PCDHGA1: variants seen among roughly 807,000 people sequenced by gnomAD.
PCDHGA1 encodes the protein protocadherin gamma subfamily A, 1.
A neutral mutation model predicts 58.0 loss-of-function variants in PCDHGA1; 32 were observed. That is an observed-to-expected ratio of 0.55 (90% CI 0.42 to 0.74). PCDHGA1 has a LOEUF of 0.74. Among genes scored for constraint, PCDHGA1 ranks in the 30% least tolerant of loss-of-function variants. PCDHGA1 has a pLI of 0.00. For synonymous variants in PCDHGA1, 498 were observed against 501.1 expected (o/e 0.99, Z 0.08); for missense variants, 1,205 against 1,182.3 (o/e 1.02, Z -0.28).
chr5:141,443,820 T>C (rs1329478151), intron 1 of PCDHGA1, among the ~76,000 whole-genome samples: 1 of 151,986 alleles, frequency 6.6e-6, no homozygotes. Flanking sequence ...TTGGAAAACA[T>C]AATTAGGTAA....
rs1025148587 is a variant in PCDHGA1 at position 141,431,434 on chromosome 5, C to A, written c.2422-63373C>A. ...GGGGCGACCCGGTGCGCACAGGCAC[C>A]GCGCGCATCCGCGTGATGGTTCTGG... On this transcript the variant is annotated intron_variant, in intron 1 of 3. Transcript: ENST00000517417. This position sits in a 1 kb window ranked among gnomAD's most constrained non-coding sequence, Gnocchi z 4.8. 1.2e-6 allele frequency: 2 copies of A among 1,613,690 alleles called. No homozygotes were observed. Among genetic ancestry groups the A allele is most frequent in the Admixed American group, 1.7e-5 (1 of 60,014 alleles).
At chr5:141,499,013 GA>G (rs2099788463) in intron 2 of PCDHGA1, among the ~76,000 whole-genome samples, 1 of 144,746 alleles carries the variant, frequency 6.9e-6, no homozygotes, top group Non-Finnish European at 1.5e-5. Context: ...AGGAAGGAAG[GA>G]AGGAAGGAAG....
intron 1 of PCDHGA1, chr5:141,387,676 G>C: frequency 2.7e-6 from 2 of 732,232 alleles, no homozygotes; most frequent in Non-Finnish European, 4.3e-6. Context: ...AGATCTCCTC[G>C]CGCAGCCGCA....
chr5:141,446,634 G>A (rs927873152), intron 1 of PCDHGA1, among the ~76,000 whole-genome samples: 6 of 151,928 alleles, frequency 3.9e-5, no homozygotes, highest in Admixed American at 2.6e-4. Context: ...GCACCACCAC[G>A]CCTGGCTAAT....
At chr5:141,364,343 C>T in intron 1 of PCDHGA1, 1 of 1,541,934 alleles carries the variant, frequency 6.5e-7, no homozygotes, top group Non-Finnish European at 8.7e-7. Context: ...GGCGAGTCCA[C>T]CTAGGGGCTG....
intron 1 of PCDHGA1, chr5:141,357,842 G>A (rs1294763389): frequency 9.6e-6 from 6 of 624,532 alleles, no homozygotes; most frequent in Non-Finnish European, 2.7e-6. Context: ...TTCAGTTGTA[G>A]TTTCAGCCAG....
At chr5:141,401,833 TATA>T (rs947293983) in intron 1 of PCDHGA1, among the ~76,000 whole-genome samples, 12 of 152,238 alleles carry the variant, frequency 7.9e-5, no homozygotes, top group African/African-American at 2.9e-4. Context: ...TGAGATTTCT[TATA>T]ATACCACTTA....
At chr5:141,373,971 C>A in intron 1 of PCDHGA1, 2 of 1,026,814 alleles carry the variant, frequency 1.9e-6, no homozygotes, top group Non-Finnish European at 2.7e-6. Flanking sequence ...AAACGCTTCG[C>A]ATCCGGTCTC....
chr5:141,486,706 C>T lies in PCDHGA1; in HGVS notation c.2422-8101C>T. 1.2e-6 allele frequency: 2 copies of T among 1,614,154 alleles called. No homozygotes were observed. Among genetic ancestry groups the T allele is most frequent in the Admixed American group, 1.7e-5 (1 of 60,020 alleles). On this transcript the variant is annotated intron_variant, in intron 1 of 3. Transcript: ENST00000517417. This position sits in a 1 kb window ranked among gnomAD's most constrained non-coding sequence, Gnocchi z 5.0. ...CAGCTTCCTCTTTCATCTCTCTGAACCCCCAGACAGGAGCTGTTCATGCTA... is the reference window on the plus strand; with the variant it reads ...CAGCTTCCTCTTTCATCTCTCTGAATCCCCAGACAGGAGCTGTTCATGCTA...
At chr5:141,347,801 A>AG (rs1209301870) in intron 1 of PCDHGA1, among the ~76,000 whole-genome samples, 1 of 151,846 alleles carries the variant, frequency 6.6e-6, no homozygotes, top group Non-Finnish European at 1.5e-5. Flanking sequence ...AAAAAAAAAA[A>AG]GTAGAGGCTG....
Position 141,489,934 on chromosome 5 carries a change from G to A in PCDHGA1, c.2422-4873G>A, listed in dbSNP as rs777780708. 1.7e-5 allele frequency: 28 copies of A among 1,614,176 alleles called. No homozygotes were observed. Among genetic ancestry groups the A allele is most frequent in the East Asian group, 6.7e-5 (3 of 44,876 alleles). On this transcript the variant is annotated intron_variant, in intron 1 of 3. Coordinates refer to ENST00000517417, the MANE Select transcript of PCDHGA1 (RefSeq NM_018912.3). This position sits in a 1 kb window ranked among gnomAD's most constrained non-coding sequence, Gnocchi z 4.5. ...AGGGACCACCCTTATCTCTGTCATCGTGCTGGACATCAATGATAATGCTCC... is the reference window on the plus strand; with the variant it reads ...AGGGACCACCCTTATCTCTGTCATCATGCTGGACATCAATGATAATGCTCC...
At chr5:141,409,133 G>A in intron 1 of PCDHGA1, 1 of 1,614,002 alleles carries the variant, frequency 6.2e-7, no homozygotes, top group Non-Finnish European at 8.5e-7. Flanking sequence ...TGATTTTGAA[G>A]ATGTAGAAAG....
intron 1 of PCDHGA1, among the ~76,000 whole-genome samples, chr5:141,435,375 A>G (rs80179854): frequency 0.034 from 5,131 of 152,264 alleles, 102 homozygotes; most frequent in Middle Eastern, 0.088. Flanking sequence ...TTAAATATAC[A>G]ATATACCGTA....
rs577323909 is a variant in PCDHGA1 at position 141,419,160 on chromosome 5, C to G, written c.2422-75647C>G. 13 of 1,613,956 alleles carry G rather than the reference C, an allele frequency of 8.1e-6. 1 individual carries two copies. In the South Asian group the frequency reaches 1.4e-4, roughly 18 times the overall value. On this transcript the variant is annotated intron_variant, in intron 1 of 3. Coordinates refer to ENST00000517417, the MANE Select transcript of PCDHGA1 (RefSeq NM_018912.3). ...GACAGGGGCAAGCCTCCGTTATCCT[C>G]CAGCAAAACCATAACCCTGCACATT...
At chr5:141,385,281 C>T (rs761366864) in intron 1 of PCDHGA1, 6 of 1,613,348 alleles carry the variant, frequency 3.7e-6, no homozygotes, top group East Asian at 2.2e-5. Flanking sequence ...TGCTAACATC[C>T]GTAGATTTTC....
At position 141,491,794 on chromosome 5, in the gene PCDHGA1, TC is replaced by T; in HGVS notation, c.2422-3011del. On this transcript the variant is annotated intron_variant, in intron 1 of 3. Transcript: ENST00000517417. This position sits in a 1 kb window ranked among gnomAD's most constrained non-coding sequence, Gnocchi z 6.9. ...GGGATTGAACTTGCATCCACTCCTC[TC>T]CGGCCGGCTTGGTCGCTGGCTGCGC... is the stretch of plus-strand genomic sequence containing the variant. The T allele has an allele frequency of 6.6e-7, 1 of 1,511,056 alleles. No individual in the cohort carries two copies. The highest frequency in any genetic ancestry group is 8.8e-7 in the Non-Finnish European group (1 of 1,130,146). The allele number at this position is 1,511,056 out of a possible 1,614,324, so 93.6% of individuals were successfully genotyped here.
chr5:141,332,868 G>T lies in PCDHGA1; in HGVS notation c.2184G>T (p.Ser728=). ...RWHKSRLLQA[S]GGGLASMPGS... ...ACAAGTCACGTCTGCTACAGGCTTC[G>T]GGAGGCGGCTTAGCGAGCATGCCCG... The change falls in exon 1 of 4, where the codon TCG becomes TCT. Residue 728 remains serine (S), a synonymous_variant. Transcript: ENST00000517417. This position sits in a 1 kb window ranked among gnomAD's most constrained non-coding sequence, Gnocchi z 4.6. 6.2e-7 allele frequency: 1 copy of T among 1,614,222 alleles called. No homozygotes were observed. The highest frequency in any genetic ancestry group is 2.2e-5 in the East Asian group (1 of 44,872).
At chr5:141,340,002 C>T (rs267600444) in intron 1 of PCDHGA1, 2 of 1,614,090 alleles carry the variant, frequency 1.2e-6, no homozygotes, top group Non-Finnish European at 1.7e-6. Flanking sequence ...AATGACAATG[C>T]CCCAGAATTT....
intron 1 of PCDHGA1, among the ~76,000 whole-genome samples, chr5:141,382,340 T>G (rs535677710): frequency 3.4e-4 from 52 of 152,358 alleles, no homozygotes; most frequent in Middle Eastern, 3.4e-3. Context: ...AAGTAAAATC[T>G]TTCATATGTA....
Sources: allele counts gnomAD v4.1 joint callset (sites outside exome capture counted in the v4.1 genomes callset), GRCh38; gene constraint gnomAD v4.1.1; non-coding constraint Gnocchi (gnomAD v3.1); transcripts MANE v1.5; gene names NCBI Gene and HGNC (gene_info 2026-07-23, HGNC 2026-07-21).